TRIML1: variants seen among roughly 807,000 people sequenced by gnomAD.
The protein encoded by TRIML1 is tripartite motif family like 1.
A neutral mutation model predicts 32.3 loss-of-function variants in TRIML1; 34 were observed. The observed-to-expected ratio is 1.05, with a 90% CI of 0.80 to 1.40. TRIML1 has a LOEUF of 1.40. Ranked by LOEUF, TRIML1 falls within the 40% of genes most tolerant of loss-of-function variation. TRIML1 has a pLI of 0.00. For synonymous variants in TRIML1, 244 were observed against 226.6 expected (o/e 1.08, Z -0.69); for missense variants, 595 against 574.9 (o/e 1.03, Z -0.36).
downstream of TRIML1, among the ~76,000 whole-genome samples, chr4:188,150,008 G>T (rs2111243807): frequency 6.6e-6 from 1 of 152,134 alleles, no homozygotes; most frequent in African/African-American, 2.4e-5. Flanking sequence ...GTTTCACCAT[G>T]TTGGCCAGGA....
chr4:188,145,477 G>GAAAAAAAAAAAAAAAAA (rs1735040541), intron 5 of TRIML1, among the ~76,000 whole-genome samples: 1 of 67,144 alleles, frequency 1.5e-5, no homozygotes, highest in Non-Finnish European at 2.9e-5. Context: ...AAAAAAAAAA[G>GAAAAAAAAAAAAAAAAA]TCAGAAATGG....
rs997450126 is a variant in TRIML1, at chr4:188,146,689, G to A, written c.857-133G>A. On this transcript the variant is annotated intron_variant, in intron 5 of 5. Transcript: ENST00000332517. ...TCCCAAAGTGCTGCATTACAGGCGCGAGCCATCACGCCCGGCCCCAAATTA... is the reference window on the plus strand; with the variant it reads ...TCCCAAAGTGCTGCATTACAGGCGCAAGCCATCACGCCCGGCCCCAAATTA... 2.9e-5 allele frequency: 19 copies of A among 666,454 alleles called. No individual in the cohort carries two copies. The African/African-American group carries it at 3.3e-4, about 12-fold the overall frequency. The allele number at this position is 666,454 out of a possible 1,614,324, so 41.3% of individuals were successfully genotyped here. A position where few individuals can be genotyped will look rare whatever the true frequency, so the allele number is the denominator to read the frequency against.
rs113919044 is a variant in TRIML1 at position 188,147,445 on chromosome 4, C to T, written c.*73C>T. The T allele has an allele frequency of 7.1e-5, 94 of 1,315,180 alleles. No individual in the cohort carries two copies. In the African/African-American group the frequency reaches 1.1e-3, roughly 15 times the overall value. The allele number at this position is 1,315,180 out of a possible 1,614,324, so 81.5% of individuals were successfully genotyped here. On this transcript the variant is annotated 3_prime_UTR_variant, in exon 6 of 6. Transcript: ENST00000332517. ...ACAACTATTAAGACGATGAAGGCAT[C>T]GACAGTATTAATGTCAGGTGATCTG...
At chr4:188,149,088 T>A (rs1273494703), downstream of TRIML1, among the ~76,000 whole-genome samples, 9 of 150,872 alleles carry the variant, frequency 6.0e-5, no homozygotes, top group Non-Finnish European at 3.0e-5. Flanking sequence ...TAAGTTTTTG[T>A]ATTTTTTTTT....
At chr4:188,144,334 T>C (rs1279772298) in intron 5 of TRIML1, among the ~76,000 whole-genome samples, 2 of 150,484 alleles carry the variant, frequency 1.3e-5, no homozygotes, top group East Asian at 2.0e-4. Context: ...ACTCAGGCTT[T>C]ATCTGGCTTT....
At chr4:188,142,999 C>A (rs1342915333) in intron 3 of TRIML1, 2 of 152,822 alleles carry the variant, frequency 1.3e-5, no homozygotes, top group Admixed American at 1.3e-4. Context: ...GTGCAGGGAG[C>A]TCCTATTTCT....
chr4:188,147,249 C>A lies in TRIML1; in HGVS notation c.1284C>A (p.Leu428=). ...IAFYNGTDES[L]IYSFPQASFQ... is the part of the protein sequence containing the mutation. ...TCTACAACGGGACGGATGAATCCCT[C>A]ATCTACAGCTTCCCGCAGGCTTCTT... Residue 428 remains leucine, a synonymous_variant, in exon 6 of 6, where the codon CTC becomes CTA. Coordinates refer to ENST00000332517, the MANE Select transcript of TRIML1 (RefSeq NM_178556.5). 6.2e-7 allele frequency: 1 copy of A among 1,600,002 alleles called. No individual in the cohort carries two copies.
chr4:188,140,051 G>C (rs1734794866), intron 1 of TRIML1, 85 bp downstream of exon 1: 1 of 1,434,620 alleles, frequency 7.0e-7, no homozygotes, highest in Non-Finnish European at 9.4e-7. Flanking sequence ...GTCCTCTGTG[G>C]GGGACAGTCA....
downstream of TRIML1, among the ~76,000 whole-genome samples, chr4:188,149,518 GTAGGGTGCGCT>G (rs1260347092): frequency 6.6e-6 from 1 of 152,092 alleles, no homozygotes; most frequent in East Asian, 1.9e-4. Flanking sequence ...AGGGTTTACT[GTAGGGTGCGCT>G]TATCCTTCTC....
intron 3 of TRIML1, 197 bp from the exon 4 acceptor site, chr4:188,143,641 G>A (rs1423683200): frequency 1.5e-6 from 1 of 681,084 alleles, no homozygotes; most frequent in East Asian, 2.5e-5. Flanking sequence ...TAGTCATTGT[G>A]AGAAACACCT....
chr4:188,145,456 A>T (rs1165354977), intron 5 of TRIML1, among the ~76,000 whole-genome samples: 4 of 71,626 alleles, frequency 5.6e-5, no homozygotes, highest in Non-Finnish European at 1.3e-4. Context: ...AAAAAAAAAA[A>T]AAAAAAAAAA....
chr4:188,147,120 T>A lies in TRIML1; in HGVS notation c.1155T>A (p.Asp385Glu). 6.2e-7 allele frequency: 1 copy of A among 1,614,070 alleles called. No individual in the cohort carries two copies. Among genetic ancestry groups the A allele is most frequent in the South Asian group, 1.1e-5 (1 of 91,080 alleles). ...LFSLIGLKIG[D>E]DYSLWVSSPL... ...CACTAATAGGTTTAAAAATCGGAGA[T>A]GATTACAGCCTCTGGGTCTCGTCAC... Residue 385 changes from aspartate (D) to glutamate (E), a missense_variant, in exon 6 of 6, where the codon GAT (aspartate) becomes GAA (glutamate). Coordinates refer to ENST00000332517, the MANE Select transcript of TRIML1 (RefSeq NM_178556.5).
rs763722790 is a variant in TRIML1, at chr4:188,142,311, C to G, written c.564C>G (p.Phe188Leu). The change falls in exon 3 of 6, where the codon TTC becomes TTG. Residue 188 changes from phenylalanine (F) to leucine (L), a missense_variant. Transcript: ENST00000332517. ...CAGAATACATGAAAATGCACCAGTT[C>G]CTGAAGGAAGAGGAGCAGCTGCAAC... Reference protein sequence around the residue: ...VVSEYMKMHQFLKEEEQLQLQ... With the variant: ...VVSEYMKMHQLLKEEEQLQLQ... 1.2e-6 allele frequency: 2 copies of G among 1,611,126 alleles called. No homozygotes were observed.
At chr4:188,149,331 C>T (rs1399972037), downstream of TRIML1, among the ~76,000 whole-genome samples, 1 of 152,102 alleles carries the variant, frequency 6.6e-6, no homozygotes, top group East Asian at 1.9e-4. Flanking sequence ...TGTCCTAAGG[C>T]AGGCAAGACA....
chr4:188,142,530 T>C lies in TRIML1; in HGVS notation c.735+48T>C, dbSNP rs759557270. ...TAATGGGAAAAATTATAGTAACTCA[T>C]AGTACTTCAAGCCATAGGAAATAAT... is the stretch of plus-strand genomic sequence containing the variant. On this transcript the variant is annotated intron_variant, in intron 3 of 5. Transcript: ENST00000332517. The C allele has an allele frequency of 3.6e-6, 5 of 1,379,280 alleles. No homozygotes were observed. In the Admixed American group the frequency reaches 5.4e-5, roughly 15 times the overall value. The allele number at this position is 1,379,280 out of a possible 1,614,324, so 85.4% of individuals were successfully genotyped here.
rs749794624 is a variant in TRIML1, at chr4:188,147,042, G to C, written c.1077G>C (p.Lys359Asn). The C allele has an allele frequency of 6.2e-7, 1 of 1,611,752 alleles. No homozygotes were observed. Among genetic ancestry groups the C allele is most frequent in the Admixed American group, 1.7e-5 (1 of 59,714 alleles). Residue 359 changes from lysine to asparagine, a missense_variant, in exon 6 of 6, where the codon AAG becomes AAC. By Grantham distance (94) the Lys-to-Asn change is moderately conservative. Transcript: ENST00000332517. ...CCGAGTGGGAAGTGGGCATCTGCAAGGACTCTGTGAGCAGAAAGGGGAATC... is the reference window on the plus strand; with the variant it reads ...CCGAGTGGGAAGTGGGCATCTGCAACGACTCTGTGAGCAGAAAGGGGAATC... Reference protein sequence around the residue: ...NKTEWEVGICKDSVSRKGNLP... With the variant: ...NKTEWEVGICNDSVSRKGNLP...
chr4:188,150,343 G>A (rs760723404), downstream of TRIML1, among the ~76,000 whole-genome samples: 93 of 151,282 alleles, frequency 6.1e-4, no homozygotes, highest in Middle Eastern at 3.5e-3. Context: ...TGGCCAGGCT[G>A]GTCTTGAATT....
chr4:188,143,747 T>C (rs1031205616), intron 3 of TRIML1, 91 bp from the exon 4 acceptor site: 12 of 1,500,936 alleles, frequency 8.0e-6, no homozygotes, highest in Middle Eastern at 1.7e-4. Flanking sequence ...AAGCAGATTC[T>C]GTGAGCTTTG....
chr4:188,146,908 C>A lies in TRIML1; in HGVS notation c.943C>A (p.Gln315Lys). ...LKSVKYGGSRQQLPDNPERFD... is the reference protein window; with the variant it reads ...LKSVKYGGSRKQLPDNPERFD... ...GAGTGTGAAATATGGGGGAAGCAGA[C>A]AGCAGCTACCCGACAACCCGGAAAG... is the stretch of plus-strand genomic sequence containing the variant. Residue 315 changes from glutamine to lysine, a missense_variant, in exon 6 of 6, where the codon CAG becomes AAG. Transcript: ENST00000332517. 6.7e-7 allele frequency: 1 copy of A among 1,494,836 alleles called. No individual in the cohort carries two copies. The highest frequency in any genetic ancestry group is 8.9e-7 in the Non-Finnish European group (1 of 1,121,596). 92.6% of individuals were successfully genotyped at this position (1,494,836 alleles called of 1,614,324 possible). A position where few individuals can be genotyped will look rare whatever the true frequency, so the allele number is the denominator to read the frequency against.
Sources: gnomAD v4.1 joint callset for allele counts (sites outside exome capture counted in the v4.1 genomes callset) on GRCh38, gnomAD v4.1.1 for gene constraint, MANE v1.5 for transcripts, NCBI Gene and HGNC (gene_info 2026-07-23, HGNC 2026-07-21) for gene names.